Variants in SPOCK3 observed in about 807,000 individuals in gnomAD.
SPOCK3 encodes testican-3.
A neutral mutation model predicts 56.6 loss-of-function variants in SPOCK3; 30 were observed. That is an observed-to-expected ratio of 0.53 (90% CI 0.40 to 0.72). The LOEUF (loss-of-function observed/expected upper bound fraction) is 0.72. SPOCK3 is among the 30% of genes least tolerant of loss of function. The pLI is 0.00. For synonymous variants in SPOCK3, 196 were observed against 183.3 expected, an observed-to-expected ratio of 1.07 and a Z score of -0.56; for missense variants, 527 against 530.0, an observed-to-expected ratio of 0.99 and a Z score of 0.06.
intron 6 of SPOCK3, among the ~76,000 whole-genome samples, chr4:166,849,414 T>C (rs1246040599): frequency 6.6e-6 from 1 of 152,138 alleles, no homozygotes; most frequent in Non-Finnish European, 1.5e-5. Context: ...TTTTTTTTTG[T>C]CATTAAAAGT....
chr4:166,813,733 A>C (rs1744088702), intron 6 of SPOCK3, among the ~76,000 whole-genome samples: 1 of 151,966 alleles, frequency 6.6e-6, no homozygotes, highest in African/African-American at 2.4e-5. Context: ...TATGAAAAAA[A>C]CTGCATGGAT....
At chr4:167,101,188 A>G (rs1759607381) in intron 2 of SPOCK3, among the ~76,000 whole-genome samples, 1 of 152,128 alleles carries the variant, frequency 6.6e-6, no homozygotes, top group African/African-American at 2.4e-5. Flanking sequence ...GTAGGTGTCC[A>G]TCTGACTTCT....
intron 7 of SPOCK3, among the ~76,000 whole-genome samples, chr4:166,755,342 G>A (rs1736932615): frequency 6.6e-6 from 1 of 152,034 alleles, no homozygotes; most frequent in Non-Finnish European, 1.5e-5. Flanking sequence ...ATTATGAGAG[G>A]CCAGATGGTG....
chr4:167,096,937 G>A (rs1237010315), intron 2 of SPOCK3, among the ~76,000 whole-genome samples: 1 of 151,760 alleles, frequency 6.6e-6, no homozygotes, highest in African/African-American at 2.4e-5. Flanking sequence ...TTTTGACACT[G>A]TTGTGTGGTA....
chr4:166,947,726 T>G (rs990782920), intron 4 of SPOCK3, among the ~76,000 whole-genome samples: 3 of 152,316 alleles, frequency 2.0e-5, no homozygotes, highest in Middle Eastern at 3.4e-3. Context: ...TTTACAAATT[T>G]TATTTTAAAT....
intron 4 of SPOCK3, among the ~76,000 whole-genome samples, chr4:166,987,393 G>A (rs1345479862): frequency 6.6e-6 from 1 of 152,074 alleles, no homozygotes; most frequent in East Asian, 1.9e-4. Flanking sequence ...TCTTCCCTCA[G>A]TCACCTCTAT....
At chr4:166,966,040 C>T (rs1744696181) in intron 4 of SPOCK3, among the ~76,000 whole-genome samples, 1 of 152,088 alleles carries the variant, frequency 6.6e-6, no homozygotes, top group Non-Finnish European at 1.5e-5. Flanking sequence ...GATCTTGTTA[C>T]TGACTCCATA....
Position 166,737,476 on chromosome 4 carries a change from C to A in SPOCK3, c.1123G>T (p.Ala375Ser), listed in dbSNP as rs1460630878. 1.2e-6 allele frequency: 2 copies of A among 1,612,658 alleles called. No individual in the cohort carries two copies. Among genetic ancestry groups the A allele is most frequent in the Non-Finnish European group, 1.7e-6 (2 of 1,179,316 alleles). Residue 375 changes from alanine to serine, a missense_variant, in exon 10 of 11, where the codon GCA (alanine) becomes TCA (serine). By Grantham distance (99) the Ala-to-Ser change is moderately conservative (BLOSUM62 1). Transcript: ENST00000357545. ...EVMGSRINGV[A>S]DCAIDFEISG... ...TAACCCTTCTCCTTACCACAATCTGCAACACCATTTATTCTGGATCCCATG... is the reference window on the plus strand; with the variant it reads ...TAACCCTTCTCCTTACCACAATCTGAAACACCATTTATTCTGGATCCCATG...
chr4:166,961,672 C>T (rs187506267), intron 4 of SPOCK3, among the ~76,000 whole-genome samples: 1 of 151,998 alleles, frequency 6.6e-6, no homozygotes, highest in African/African-American at 2.4e-5. Context: ...AATGCTTATA[C>T]AAGAAAGTCT....
chr4:166,741,922 T>G (rs1734882535), intron 9 of SPOCK3, 75 bp downstream of exon 9: 3 of 1,045,718 alleles, frequency 2.9e-6, no homozygotes, highest in Non-Finnish European at 4.4e-6. Context: ...GGATTAATAT[T>G]GATTTTATGT....
chr4:167,015,980 A>G (rs1750584260), intron 3 of SPOCK3, among the ~76,000 whole-genome samples: 1 of 152,154 alleles, frequency 6.6e-6, no homozygotes, highest in African/African-American at 2.4e-5. Flanking sequence ...GACACTGGGA[A>G]TTTTTTGTTA....
At chr4:166,750,747 T>A (rs564522000) in intron 8 of SPOCK3, among the ~76,000 whole-genome samples, 1 of 152,190 alleles carries the variant, frequency 6.6e-6, no homozygotes, top group Admixed American at 6.5e-5. Context: ...GAAAATGTAA[T>A]TGGGATAAAT....
intron 4 of SPOCK3, among the ~76,000 whole-genome samples, chr4:166,923,902 C>A (rs1738775806): frequency 6.6e-6 from 1 of 152,124 alleles, no homozygotes; most frequent in African/African-American, 2.4e-5. Flanking sequence ...AAATGGCAGG[C>A]ATATCAACAT....
intron 6 of SPOCK3, among the ~76,000 whole-genome samples, chr4:166,818,812 A>T (rs1305172111): frequency 6.6e-6 from 1 of 152,066 alleles, no homozygotes; most frequent in East Asian, 1.9e-4. Flanking sequence ...GACTCTTAAA[A>T]TGCTTTTCAA....
At chr4:167,147,901 A>AGG (rs1764104828) in intron 2 of SPOCK3, among the ~76,000 whole-genome samples, 1 of 152,192 alleles carries the variant, frequency 6.6e-6, no homozygotes. Context: ...TGGCACGTGT[A>AGG]TACCTATGAA....
chr4:167,003,444 T>C (rs1561107625), intron 3 of SPOCK3, among the ~76,000 whole-genome samples: 1 of 152,190 alleles, frequency 6.6e-6, no homozygotes, highest in Non-Finnish European at 1.5e-5. Context: ...CATTACACAC[T>C]GTAAATACAG....
chr4:167,223,410 G>A (rs1736268831), intron 2 of SPOCK3, among the ~76,000 whole-genome samples: 1 of 148,750 alleles, frequency 6.7e-6, no homozygotes, highest in Non-Finnish European at 1.5e-5. Flanking sequence ...TATATAGAGA[G>A]AGATATATAT....
intron 4 of SPOCK3, among the ~76,000 whole-genome samples, chr4:166,954,856 C>T (rs981189644): frequency 2.6e-5 from 4 of 152,208 alleles, no homozygotes; most frequent in African/African-American, 9.6e-5. Context: ...CATCTACTTT[C>T]TATCTCTGTA....
chr4:166,796,431 A>T (rs2126671645), intron 6 of SPOCK3, among the ~76,000 whole-genome samples: 1 of 152,232 alleles, frequency 6.6e-6, no homozygotes, highest in East Asian at 1.9e-4. Flanking sequence ...TCTTTCAGAA[A>T]ATTTTTAAGT....
Sources: allele counts gnomAD v4.1 joint callset (sites outside exome capture counted in the v4.1 genomes callset), GRCh38; gene constraint gnomAD v4.1.1; transcripts MANE v1.5; gene names NCBI Gene and HGNC (gene_info 2026-07-23, HGNC 2026-07-21).